Variants in PPARA observed in about 807,000 individuals in gnomAD.
The protein encoded by PPARA is peroxisome proliferator-activated receptor alpha.
Under a neutral mutation model 42.2 loss-of-function variants are expected in PPARA, and 22 were observed. That is an observed-to-expected ratio of 0.52 (90% CI 0.37 to 0.74). PPARA has a LOEUF of 0.74. PPARA is among the 30% of genes least tolerant of loss of function. The pLI, the probability that PPARA is intolerant of heterozygous loss-of-function variation, is 0.00. For synonymous variants in PPARA, 242 were observed against 239.3 expected, an observed-to-expected ratio of 1.01 and a Z score of -0.10; for missense variants, 465 against 608.2, an observed-to-expected ratio of 0.76 and a Z score of 2.48.
intron 5 of PPARA, 130 bp downstream of exon 5, chr22:46,215,463 C>A (rs1226017215): frequency 7.4e-6 from 9 of 1,212,066 alleles, no homozygotes; most frequent in Non-Finnish European, 1.1e-5. Flanking sequence ...TCAGGCCAGG[C>A]GCGGTATCTC....
At chr22:46,214,446 C>T (rs559363093) in intron 4 of PPARA, among the ~76,000 whole-genome samples, 1 of 149,378 alleles carries the variant, frequency 6.7e-6, no homozygotes, top group African/African-American at 2.5e-5. Flanking sequence ...CTAGGAGATG[C>T]GTGGGTCCGG....
In PPARA at chr22:46,237,688, G is replaced by T. The variant is rs959180339; in HGVS notation, c.*2308G>T. ...CAGCAGCGGCGGGCAGTCTGCCCAA[G>T]TGTCTTAGGAACCAAAAGCAAATAA... On this transcript the variant is annotated 3_prime_UTR_variant, in exon 9 of 9. Coordinates refer to ENST00000407236, the MANE Select transcript of PPARA (RefSeq NM_005036.6). The surrounding 1 kb of genome is among the most constrained non-coding windows in gnomAD (Gnocchi z 6.7). 3 of 151,944 alleles carry T rather than the reference G, an allele frequency of 2.0e-5. No homozygotes were observed. The highest frequency in any genetic ancestry group is 4.4e-5 in the Non-Finnish European group (3 of 68,050). The allele number at this position is 151,944 out of a possible 1,614,324, so 9.4% of individuals were successfully genotyped here.
rs1057092883 is a variant in PPARA, at chr22:46,236,780, G to C, written c.*1400G>C. 3 of 152,382 alleles carry C rather than the reference G, an allele frequency of 2.0e-5. No homozygotes were observed. Among genetic ancestry groups the C allele is most frequent in the African/African-American group, 7.2e-5 (3 of 41,434 alleles). 9.4% of individuals were successfully genotyped at this position (152,382 alleles called of 1,614,324 possible). A position where few individuals can be genotyped will look rare whatever the true frequency, so the allele number is the denominator to read the frequency against. ...GGGGTAGAGTCTTCTTCAAATGGCA[G>C]TTTTACTTCAAATGGCAGATTTCAC... On this transcript the variant is annotated 3_prime_UTR_variant, in exon 9 of 9. Coordinates refer to ENST00000407236, the MANE Select transcript of PPARA (RefSeq NM_005036.6). The surrounding 1 kb of genome is among the most constrained non-coding windows in gnomAD (Gnocchi z 5.2).
rs1300829532 is a variant in PPARA, at chr22:46,204,666, G to C, written c.208+6075G>C. On this transcript the variant is annotated intron_variant, in intron 4 of 8. Coordinates refer to ENST00000407236, the MANE Select transcript of PPARA (RefSeq NM_005036.6). This position sits in a 1 kb window ranked among gnomAD's most constrained non-coding sequence, Gnocchi z 5.2. Reference sequence around the variant, plus strand: ...TTATTTGCCATATATCTTCTTTGGTGATATTTCTGTTCAAAGCCTTTGCTC... The same window carrying C: ...TTATTTGCCATATATCTTCTTTGGTCATATTTCTGTTCAAAGCCTTTGCTC... 6.6e-6 allele frequency among the ~76,000 whole-genome samples: 1 copy of C among 152,070 alleles called. No homozygotes were observed. Among genetic ancestry groups the C allele is most frequent in the Non-Finnish European group, 1.5e-5 (1 of 68,022 alleles).
chr22:46,220,846 G>C (rs1471904104), intron 7 of PPARA, among the ~76,000 whole-genome samples: 1 of 152,052 alleles, frequency 6.6e-6, no homozygotes, highest in Non-Finnish European at 1.5e-5. Context: ...GGGTGGCTTA[G>C]GCATGAGAAT....
chr22:46,215,415 C>T, intron 5 of PPARA, 82 bp downstream of exon 5: 1 of 1,565,998 alleles, frequency 6.4e-7, no homozygotes, highest in Non-Finnish European at 8.8e-7. Context: ...GCAGTCATTA[C>T]TGAGAGATTG....
At chr22:46,186,948 T>C (rs1930906303) in intron 3 of PPARA, among the ~76,000 whole-genome samples, 2 of 152,168 alleles carry the variant, frequency 1.3e-5, no homozygotes, top group South Asian at 4.1e-4. Context: ...AATGGAACAA[T>C]TATAACATAC....
rs1935888262 is a variant in PPARA at position 46,231,754 on chromosome 22, C to A, written c.712-38C>A. The A allele has an allele frequency of 2.5e-6, 4 of 1,594,544 alleles. No individual in the cohort carries two copies. In the East Asian group the frequency reaches 6.7e-5, roughly 27 times the overall value. ...CTGATAGCTGGGAGCATAGCGCATCCCACATCACCTGACTTACCTTGGTGT... is the reference window on the plus strand; with the variant it reads ...CTGATAGCTGGGAGCATAGCGCATCACACATCACCTGACTTACCTTGGTGT... On this transcript the variant is annotated intron_variant, in intron 7 of 8. Coordinates refer to ENST00000407236, the MANE Select transcript of PPARA (RefSeq NM_005036.6). This position sits in a 1 kb window ranked among gnomAD's most constrained non-coding sequence, Gnocchi z 7.7.
At position 46,163,853 on chromosome 22, in the gene PPARA, C is replaced by T. The variant is rs1926606029; in HGVS notation, c.-127+11883C>T. Reference sequence around the variant, plus strand: ...CCCGCCAGCCTTCCACGACGGACCCCCCACTCTCTATTAATTCCCAAGAAA... The same window carrying T: ...CCCGCCAGCCTTCCACGACGGACCCTCCACTCTCTATTAATTCCCAAGAAA... On this transcript the variant is annotated intron_variant, in intron 2 of 8. Coordinates refer to ENST00000407236, the MANE Select transcript of PPARA (RefSeq NM_005036.6). The surrounding 1 kb of genome is among the most constrained non-coding windows in gnomAD (Gnocchi z 4.9). 1.3e-5 allele frequency: 2 copies of T among 152,300 alleles called. No individual in the cohort carries two copies. The highest frequency in any genetic ancestry group is 2.1e-4 in the South Asian group (1 of 4,838). 9.4% of individuals were successfully genotyped at this position (152,300 alleles called of 1,614,324 possible).
At chr22:46,226,131 G>T (rs575111133) in intron 7 of PPARA, among the ~76,000 whole-genome samples, 1 of 150,646 alleles carries the variant, frequency 6.6e-6, no homozygotes, top group East Asian at 1.9e-4. Flanking sequence ...ACCCACACAC[G>T]TACCCACACA....
In PPARA at chr22:46,241,888, C is replaced by T. The variant is rs1936379507; in HGVS notation, c.*6508C>T. 1 of 135,728 alleles carries T rather than the reference C, an allele frequency of 7.4e-6. No homozygotes were observed. The highest frequency in any genetic ancestry group is 1.5e-5 in the Non-Finnish European group (1 of 65,854). 8.4% of individuals were successfully genotyped at this position (135,728 alleles called of 1,614,324 possible). A position where few individuals can be genotyped will look rare whatever the true frequency, so the allele number is the denominator to read the frequency against. On this transcript the variant is annotated 3_prime_UTR_variant, in exon 9 of 9. Coordinates refer to ENST00000407236, the MANE Select transcript of PPARA (RefSeq NM_005036.6). The surrounding 1 kb of genome is among the most constrained non-coding windows in gnomAD (Gnocchi z 5.7). Reference sequence around the variant, plus strand: ...TGATGACCTCAAATACTTGAGTGGTCTCATGGCTGTTAGATGGATTATTTG... The same window carrying T: ...TGATGACCTCAAATACTTGAGTGGTTTCATGGCTGTTAGATGGATTATTTG...
At chr22:46,168,508 A>C (rs961900583) in intron 2 of PPARA, among the ~76,000 whole-genome samples, 14 of 151,892 alleles carry the variant, frequency 9.2e-5, no homozygotes, top group African/African-American at 3.4e-4. Flanking sequence ...ATATTTACAA[A>C]ACATATATCT....
rs571817655 is a variant in PPARA, at chr22:46,237,610, C to CA, written c.*2246dup. Reference sequence around the variant, plus strand: ...TAGATTCCACCCTCTCCCACCCCGGCAAAAAAAAAAAAAAAAGATGCAATC... The same window carrying CA: ...TAGATTCCACCCTCTCCCACCCCGGCAAAAAAAAAAAAAAAAAGATGCAATC... On this transcript the variant is annotated 3_prime_UTR_variant, in exon 9 of 9. Transcript: ENST00000407236. The surrounding 1 kb of genome is among the most constrained non-coding windows in gnomAD (Gnocchi z 6.7). The CA allele has an allele frequency of 0.16, 16,552 of 105,778 alleles. 1,547 individuals are homozygous for CA. The highest frequency in any genetic ancestry group is 0.32 in the African/African-American group (9,863 of 30,620). The allele number at this position is 105,778 out of a possible 1,614,324, so 6.6% of individuals were successfully genotyped here. A position where few individuals can be genotyped will look rare whatever the true frequency, so the allele number is the denominator to read the frequency against.
In PPARA at chr22:46,183,674, C is replaced by T. The variant is rs148060668; in HGVS notation, c.-43+6838C>T. ...GGAGGATCACTTGAGCCTGGGAGGT[C>T]GATATTGCAGTGAGCTGTAATTGCA... On this transcript the variant is annotated intron_variant, in intron 3 of 8. Coordinates refer to ENST00000407236, the MANE Select transcript of PPARA (RefSeq NM_005036.6). This position sits in a 1 kb window ranked among gnomAD's most constrained non-coding sequence, Gnocchi z 5.5. Among the ~76,000 whole-genome samples, 24 of 152,006 alleles carry T rather than the reference C, an allele frequency of 1.6e-4. No homozygotes were observed. Among genetic ancestry groups the T allele is most frequent in the Admixed American group, 5.9e-4 (9 of 15,238 alleles).
chr22:46,232,082 T>C lies in PPARA; in HGVS notation c.1002T>C (p.Tyr334=), dbSNP rs373877541. 58 of 1,614,108 alleles carry C rather than the reference T, an allele frequency of 3.6e-5. No individual in the cohort carries two copies. The highest frequency in any genetic ancestry group is 4.1e-5 in the Non-Finnish European group (48 of 1,180,050). ...VMNKDGMLVA[Y]GNGFITREFL... is the part of the protein sequence containing the mutation. ...ACAAAGACGGGATGCTGGTAGCGTA[T>C]GGAAATGGGTTTATAACTCGTGAAT... The change falls in exon 8 of 9, where the codon TAT becomes TAC. Residue 334 remains tyrosine (Y), a synonymous_variant. Coordinates refer to ENST00000407236, the MANE Select transcript of PPARA (RefSeq NM_005036.6). This position sits in a 1 kb window ranked among gnomAD's most constrained non-coding sequence, Gnocchi z 5.3.
intron 3 of PPARA, among the ~76,000 whole-genome samples, chr22:46,181,683 G>A (rs969990615): frequency 2.0e-5 from 3 of 152,148 alleles, no homozygotes; most frequent in African/African-American, 7.2e-5. Context: ...GAAATGATTG[G>A]TCATATATTT....
At chr22:46,229,203 A>G (rs535748047) in intron 7 of PPARA, among the ~76,000 whole-genome samples, 3 of 152,090 alleles carry the variant, frequency 2.0e-5, no homozygotes, top group Non-Finnish European at 2.9e-5. Flanking sequence ...CTAAGAGTCT[A>G]TTTTCTGGAA....
In PPARA at chr22:46,173,246, A is replaced by C. The variant is rs557998512; in HGVS notation, c.-126-3507A>C. Among the ~76,000 whole-genome samples, 1 of 152,288 alleles carries C rather than the reference A, an allele frequency of 6.6e-6. No homozygotes were observed. Among genetic ancestry groups the C allele is most frequent in the South Asian group, 2.1e-4 (1 of 4,826 alleles). ...GGATTTACAAAACAGTTATGTTTTTAGTTTTCTTTTATTTGTTGTGTTGAA... is the reference window on the plus strand; with the variant it reads ...GGATTTACAAAACAGTTATGTTTTTCGTTTTCTTTTATTTGTTGTGTTGAA... On this transcript the variant is annotated intron_variant, in intron 2 of 8. Transcript: ENST00000407236. The surrounding 1 kb of genome is among the most constrained non-coding windows in gnomAD (Gnocchi z 4.3).
intron 4 of PPARA, among the ~76,000 whole-genome samples, chr22:46,199,795 C>T (rs145100778): frequency 0.017 from 2,584 of 152,110 alleles, 35 homozygotes; most frequent in Middle Eastern, 0.031. Context: ...TGATCTCAGC[C>T]CACTACAACG....
Sources: gnomAD v4.1 joint callset for allele counts (sites outside exome capture counted in the v4.1 genomes callset) on GRCh38, gnomAD v4.1.1 for gene constraint, Gnocchi (gnomAD v3.1) non-coding constraint, MANE v1.5 for transcripts, NCBI Gene and HGNC (gene_info 2026-07-23, HGNC 2026-07-21) for gene names.